Variants in ISM1 observed in about 807,000 individuals in gnomAD.
The protein encoded by ISM1 is isthmin 1.
In ISM1, 25 loss-of-function variants were observed where a neutral mutation model predicts 46.3. The observed-to-expected ratio is 0.54, with a 90% confidence interval of 0.39 to 0.75. The LOEUF (loss-of-function observed/expected upper bound fraction) is 0.75. Ranked by LOEUF, ISM1 falls within the 30% of genes least tolerant of loss-of-function variation. The probability of loss-of-function intolerance (pLI) is 0.00; values close to 1 mark genes in which losing one functional copy is unlikely to be tolerated. For missense variants in ISM1, 536 were observed against 625.4 expected, an observed-to-expected ratio of 0.86 and a Z score of 1.52; for synonymous variants, 255 against 256.7, an observed-to-expected ratio of 0.99 and a Z score of 0.06.
chr20:13,304,012 C>T (rs937240343), downstream of ISM1, among the ~76,000 whole-genome samples: 2 of 152,246 alleles, frequency 1.3e-5, no homozygotes, highest in Non-Finnish European at 2.9e-5. Context: ...GACCCAGACT[C>T]CTTCCATCTT....
intron 1 of ISM1, among the ~76,000 whole-genome samples, chr20:13,227,465 AGTGCT>A (rs1367124584): frequency 1.3e-5 from 2 of 149,024 alleles, no homozygotes; most frequent in African/African-American, 5.0e-5. Context: ...GACCTCCCAA[AGTGCT>A]GGGATTACAG....
At chr20:13,222,382 T>A (rs2039461004) in intron 1 of ISM1, among the ~76,000 whole-genome samples, 1 of 152,052 alleles carries the variant, frequency 6.6e-6, no homozygotes, top group African/African-American at 2.4e-5. Context: ...TAGGAAGCAA[T>A]GCCAAAGGTC....
intron 1 of ISM1, among the ~76,000 whole-genome samples, chr20:13,263,259 C>A (rs2040007323): frequency 6.6e-6 from 1 of 152,142 alleles, no homozygotes; most frequent in Non-Finnish European, 1.5e-5. Flanking sequence ...TCATCTGTGT[C>A]TTCACAGTGC....
intron 1 of ISM1, 50 bp downstream of exon 1, chr20:13,221,964 G>T: frequency 7.7e-7 from 1 of 1,298,622 alleles, no homozygotes; most frequent in South Asian, 2.2e-5. Context: ...GACGGTTTGT[G>T]GGGCGGGGGT....
the ISM1 span, among the ~76,000 whole-genome samples, chr20:13,324,495 T>C: frequency 2.6e-5 from 4 of 152,316 alleles, no homozygotes; most frequent in African/African-American, 9.6e-5. Flanking sequence ...CATCCTTACT[T>C]CTCACTGAAA....
chr20:13,270,846 A>C, intron 2 of ISM1, 103 bp downstream of exon 2: 1 of 1,081,092 alleles, frequency 9.2e-7, no homozygotes, highest in South Asian at 1.5e-5. Flanking sequence ...TTTCTTCTTA[A>C]CCCCTTAATG....
At chr20:13,298,857 CA>C in intron 5 of ISM1, 84 bp from the exon 6 acceptor site, 1 of 1,401,414 alleles carries the variant, frequency 7.1e-7, no homozygotes. Flanking sequence ...CCCTCAGGAG[CA>C]GCCTGGTGTC....
the ISM1 span, among the ~76,000 whole-genome samples, chr20:13,313,505 T>G: frequency 6.6e-5 from 10 of 152,186 alleles, no homozygotes; most frequent in African/African-American, 2.4e-4. Context: ...TACAACACTT[T>G]CCTTTTTCTT....
chr20:13,321,246 C>G, the ISM1 span, among the ~76,000 whole-genome samples: 1 of 77,692 alleles, frequency 1.3e-5, no homozygotes. Context: ...TAGTCATGTG[C>G]CCCACATAAA....
the ISM1 span, among the ~76,000 whole-genome samples, chr20:13,316,480 C>T: frequency 6.6e-6 from 1 of 151,772 alleles, no homozygotes; most frequent in South Asian, 2.1e-4. Flanking sequence ...CCAGACAAAG[C>T]TATTACAAAA....
intron 5 of ISM1, among the ~76,000 whole-genome samples, chr20:13,294,128 C>T (rs1028807544): frequency 4.9e-4 from 74 of 152,252 alleles, no homozygotes; most frequent in African/African-American, 1.7e-3. Flanking sequence ...CCCAGTATTG[C>T]CAGATGTTCT....
At chr20:13,320,802 G>A in the ISM1 span, among the ~76,000 whole-genome samples, 1 of 152,062 alleles carries the variant, frequency 6.6e-6, no homozygotes, top group Non-Finnish European at 1.5e-5. Flanking sequence ...AAGAGGGAGT[G>A]GGAAAGGGCT....
In ISM1 at chr20:13,279,741, G is replaced by A; in HGVS notation, c.486G>A (p.Trp162Ter). Residue 162 changes from tryptophan (W) to a stop codon, truncating the protein, a stop_gained, in exon 3 of 6, where the codon TGG becomes TGA. Transcript: ENST00000262487. LOFTEE classifies it high-confidence loss of function. The stretch of plus-strand genomic sequence containing the variant: ...CATCCCCCGACTGGCGGGCCTGGTG[G>A]CAGAGGTCCCTGTCCTTGGCCAGGG... ...SVPSPDWRAW[W>*]QRSLSLARAN... 1 of 1,614,012 alleles carries A rather than the reference G, an allele frequency of 6.2e-7. No homozygotes were observed. Among genetic ancestry groups the A allele is most frequent in the Non-Finnish European group, 8.5e-7 (1 of 1,179,904 alleles).
At chr20:13,223,696 A>G (rs900990965) in intron 1 of ISM1, among the ~76,000 whole-genome samples, 4 of 152,234 alleles carry the variant, frequency 2.6e-5, no homozygotes, top group African/African-American at 7.2e-5. Context: ...AAGTACAGTG[A>G]CAGACTGAGG....
chr20:13,244,838 CT>C (rs1412971965), intron 1 of ISM1, among the ~76,000 whole-genome samples: 1 of 152,166 alleles, frequency 6.6e-6, no homozygotes, highest in Non-Finnish European at 1.5e-5. Context: ...GAAACATCTG[CT>C]TTGCCTGGTG....
At chr20:13,320,319 AC>A in the ISM1 span, among the ~76,000 whole-genome samples, 9 of 152,332 alleles carry the variant, frequency 5.9e-5, no homozygotes, top group African/African-American at 2.2e-4. Context: ...TCTGTGTGAT[AC>A]ATTAGCTTTG....
chr20:13,232,493 A>G (rs1002663410), intron 1 of ISM1, among the ~76,000 whole-genome samples: 5 of 152,220 alleles, frequency 3.3e-5, no homozygotes, highest in Admixed American at 3.3e-4. Flanking sequence ...TTTATTACCA[A>G]TTAATATTCT....
At chr20:13,228,435 G>C (rs142308621) in intron 1 of ISM1, among the ~76,000 whole-genome samples, 1 of 152,102 alleles carries the variant, frequency 6.6e-6, no homozygotes, top group East Asian at 1.9e-4. Context: ...TTTGGCAGTT[G>C]GCTGTCTTCT....
At chr20:13,316,840 A>G in the ISM1 span, among the ~76,000 whole-genome samples, 1 of 151,956 alleles carries the variant, frequency 6.6e-6, no homozygotes, top group Non-Finnish European at 1.5e-5. Flanking sequence ...ACTTAGCGGT[A>G]AGAAACTCAA....
Sources: gnomAD v4.1 joint callset for allele counts (sites outside exome capture counted in the v4.1 genomes callset) on GRCh38, gnomAD v4.1.1 for gene constraint, MANE v1.5 for transcripts, NCBI Gene and HGNC (gene_info 2026-07-23, HGNC 2026-07-21) for gene names.